The following DNM2 variants were observed in gnomAD, a reference collection of about 807,000 sequenced individuals.
DNM2 encodes the protein dynamin-2.
DNM2 carries 15 observed loss-of-function variants against 99.0 expected under a neutral mutation model. That is an observed-to-expected ratio of 0.15 (90% CI 0.10 to 0.23). The LOEUF (loss-of-function observed/expected upper bound fraction) is 0.23, where lower values mean the gene tolerates loss of function less well. Among genes scored for constraint, DNM2 ranks in the 10% least tolerant of loss-of-function variants. The probability of loss-of-function intolerance (pLI) is 1.00; values close to 1 mark genes in which losing one functional copy is unlikely to be tolerated. For missense variants in DNM2, 742 were observed against 1,189.4 expected, an observed-to-expected ratio of 0.62 and a Z score of 5.53; for synonymous variants, 525 against 481.2, an observed-to-expected ratio of 1.09 and a Z score of -1.19.
chr19:10,807,357 A>G (rs964746422), intron 13 of DNM2, among the ~76,000 whole-genome samples: 9 of 151,792 alleles, frequency 5.9e-5, no homozygotes, highest in Admixed American at 3.3e-4. Context: ...TCTCTGCCTC[A>G]GCCTCCTGAG....
In DNM2 at chr19:10,811,931, C is replaced by T. The variant is rs182467310; in HGVS notation, c.1558-333C>T. On this transcript the variant is annotated intron_variant, in intron 14 of 20. Coordinates refer to ENST00000389253, the MANE Select transcript of DNM2 (RefSeq NM_001005361.3). This position sits in a 1 kb window ranked among gnomAD's most constrained non-coding sequence, Gnocchi z 5.4. ...TCTCACGCAAACAAGTGCAGTTCCT[C>T]AGATGTCACATTTCATGTGCCACAG... 1.8e-4 allele frequency: 82 copies of T among 455,798 alleles called. No homozygotes were observed. The East Asian group carries it at 5.3e-3, about 29-fold the overall frequency. 28.2% of individuals were successfully genotyped at this position (455,798 alleles called of 1,614,324 possible).
At chr19:10,726,810 C>T (rs1258510037) in intron 1 of DNM2, among the ~76,000 whole-genome samples, 1 of 152,154 alleles carries the variant, frequency 6.6e-6, no homozygotes, top group Non-Finnish European at 1.5e-5. Flanking sequence ...TTGCGGTAAG[C>T]CGAGATTGCG....
In DNM2 at chr19:10,798,290, C is replaced by G. The variant is rs180679346; in HGVS notation, c.1336-196C>G. Reference sequence around the variant, plus strand: ...AAGCAGCTCTGCTCTCCTGCTGTCTCCGGTCCACGGTGCCCCCACTCTTCT... The same window carrying G: ...AAGCAGCTCTGCTCTCCTGCTGTCTGCGGTCCACGGTGCCCCCACTCTTCT... On this transcript the variant is annotated intron_variant, in intron 10 of 20. Transcript: ENST00000389253. 8.2e-3 allele frequency: 4,986 copies of G among 607,302 alleles called. 38 individuals carry two copies. The highest frequency in any genetic ancestry group is 0.013 in the Non-Finnish European group (4,267 of 337,758). 37.6% of individuals were successfully genotyped at this position (607,302 alleles called of 1,614,324 possible).
chr19:10,724,302 C>A (rs182738031), intron 1 of DNM2, among the ~76,000 whole-genome samples: 235 of 152,222 alleles, frequency 1.5e-3, no homozygotes, highest in Non-Finnish European at 2.5e-3. Flanking sequence ...CTCAGCCTCC[C>A]GAGTAGCTGG....
chr19:10,802,031 C>T (rs908938806), intron 11 of DNM2, among the ~76,000 whole-genome samples: 1 of 152,130 alleles, frequency 6.6e-6, no homozygotes, highest in African/African-American at 2.4e-5. Context: ...CAATTAGTGG[C>T]TCAATCAAGA....
chr19:10,806,906 C>G (rs990592559), intron 13 of DNM2, among the ~76,000 whole-genome samples: 2 of 152,064 alleles, frequency 1.3e-5, no homozygotes, highest in African/African-American at 2.4e-5. Flanking sequence ...AGGTGAGAGC[C>G]GCTGGAAACT....
chr19:10,795,578 C>A lies in DNM2; in HGVS notation c.1196+139C>A. 3.1e-6 allele frequency: 3 copies of A among 974,616 alleles called. No homozygotes were observed. Among genetic ancestry groups the A allele is most frequent in the Non-Finnish European group, 4.8e-6 (3 of 626,836 alleles). The allele number at this position is 974,616 out of a possible 1,614,324, so 60.4% of individuals were successfully genotyped here. A position where few individuals can be genotyped will look rare whatever the true frequency, so the allele number is the denominator to read the frequency against. ...TTGGATGGTTTTCTGTAGCTGCGAG[C>A]CCCTCCCTGAGGGTCTCCAAGGGCA... On this transcript the variant is annotated intron_variant, in intron 9 of 20. Transcript: ENST00000389253. This position sits in a 1 kb window ranked among gnomAD's most constrained non-coding sequence, Gnocchi z 4.2.
chr19:10,782,075 C>T lies in DNM2; in HGVS notation c.689-885C>T, dbSNP rs574895243. ...TGAGACAAGGCCTCGCTCTGTTGCCCGGGCTGGAGTGCAGTGGGGTGATTA... is the reference window on the plus strand; with the variant it reads ...TGAGACAAGGCCTCGCTCTGTTGCCTGGGCTGGAGTGCAGTGGGGTGATTA... On this transcript the variant is annotated intron_variant, in intron 5 of 20. Coordinates refer to ENST00000389253, the MANE Select transcript of DNM2 (RefSeq NM_001005361.3). Among the ~76,000 whole-genome samples, 17 of 152,146 alleles carry T rather than the reference C, an allele frequency of 1.1e-4. No individual in the cohort carries two copies. In the East Asian group the frequency reaches 1.2e-3, roughly 10 times the overall value.
intron 7 of DNM2, among the ~76,000 whole-genome samples, chr19:10,786,963 A>G (rs918895287): frequency 1.3e-5 from 2 of 152,200 alleles, no homozygotes; most frequent in Non-Finnish European, 2.9e-5. Context: ...AAGAAAGAAA[A>G]TGTATAGTGT....
chr19:10,779,469 A>C (rs1223924413), intron 5 of DNM2, among the ~76,000 whole-genome samples: 1 of 77,802 alleles, frequency 1.3e-5, no homozygotes, highest in Non-Finnish European at 2.8e-5. Context: ...TGCTGTTATA[A>C]GTTTTTTTCT....
chr19:10,783,693 A>ATT lies in DNM2; in HGVS notation c.849+574_849+575dup, dbSNP rs1177838790. The stretch of plus-strand genomic sequence containing the variant: ...TTTTTTATTTATTATTATTATTATT[A>ATT]TTATTATTATTATTTTTTATTTTTG... On this transcript the variant is annotated intron_variant, in intron 6 of 20. Coordinates refer to ENST00000389253, the MANE Select transcript of DNM2 (RefSeq NM_001005361.3). 9.5e-4 allele frequency among the ~76,000 whole-genome samples: 126 copies of ATT among 131,998 alleles called. 2 individuals carry two copies. The highest frequency in any genetic ancestry group is 3.8e-3 in the South Asian group (16 of 4,260). 86.6% of individuals were successfully genotyped at this position (131,998 alleles called of 152,430 possible).
At chr19:10,753,389 C>CCCCTT (rs918975638) in intron 1 of DNM2, among the ~76,000 whole-genome samples, 4 of 81,194 alleles carry the variant, frequency 4.9e-5, no homozygotes, top group African/African-American at 2.1e-4. Context: ...CCTTCCCCTT[C>CCCCTT]CCCCCTCCCC....
chr19:10,741,876 T>C (rs2145765882), intron 1 of DNM2, among the ~76,000 whole-genome samples: 1 of 152,050 alleles, frequency 6.6e-6, no homozygotes, highest in East Asian at 1.9e-4. Flanking sequence ...CTGTGCTTTT[T>C]CCTTCCTCCC....
At chr19:10,731,106 C>G (rs1238090827) in intron 1 of DNM2, among the ~76,000 whole-genome samples, 1 of 152,120 alleles carries the variant, frequency 6.6e-6, no homozygotes, top group Non-Finnish European at 1.5e-5. Context: ...CAGCCCCAGC[C>G]AGGGTGACCC....
In DNM2 at chr19:10,812,408, G is replaced by T. The variant is rs777377262; in HGVS notation, c.1671+31G>T. ...TGGCAGGCGGGAGCAGGGCTGCTGG[G>T]GTAGGTGGGGCAGCCAGGGAAGAGC... On this transcript the variant is annotated intron_variant, in intron 15 of 20. Transcript: ENST00000389253. The surrounding 1 kb of genome is among the most constrained non-coding windows in gnomAD (Gnocchi z 4.0). 1.1e-5 allele frequency: 17 copies of T among 1,562,146 alleles called. No homozygotes were observed. The South Asian group carries it at 1.9e-4, about 18-fold the overall frequency.
intron 6 of DNM2, among the ~76,000 whole-genome samples, chr19:10,785,243 G>A (rs1441895764): frequency 2.6e-5 from 4 of 151,684 alleles, no homozygotes; most frequent in South Asian, 2.1e-4. Context: ...TCAGCCTCCC[G>A]AGTAGCTGGG....
intron 1 of DNM2, among the ~76,000 whole-genome samples, chr19:10,751,235 A>G (rs754136254): frequency 2.0e-4 from 30 of 151,944 alleles, no homozygotes; most frequent in Non-Finnish European, 3.5e-4. Flanking sequence ...CTGACGGGAA[A>G]CCTAGACCAG....
intron 1 of DNM2, among the ~76,000 whole-genome samples, chr19:10,728,566 C>T (rs565480472): frequency 3.0e-4 from 46 of 152,044 alleles, no homozygotes; most frequent in African/African-American, 1.1e-3. Context: ...GTCCAGCCTG[C>T]GTGTGGTAAG....
At chr19:10,782,796 A>G (rs1171860174) in intron 5 of DNM2, among the ~76,000 whole-genome samples, 164 bp from the exon 6 acceptor site, 2 of 152,234 alleles carry the variant, frequency 1.3e-5, no homozygotes, top group Non-Finnish European at 2.9e-5. Context: ...CGCAGCTGCC[A>G]TGTGCATTCG....
Sources: allele counts gnomAD v4.1 joint callset (sites outside exome capture counted in the v4.1 genomes callset), GRCh38; gene constraint gnomAD v4.1.1; non-coding constraint Gnocchi (gnomAD v3.1); transcripts MANE v1.5; gene names NCBI Gene and HGNC (gene_info 2026-07-23, HGNC 2026-07-21).